Variants in ALG9 observed in about 807,000 individuals in gnomAD.
The protein encoded by ALG9 is ALG9 alpha-1,2-mannosyltransferase.
In ALG9, 55 loss-of-function variants were observed where a neutral mutation model predicts 81.8. The ratio of observed to expected loss-of-function variants is 0.67; its 90% CI spans 0.54 to 0.84. ALG9 has a LOEUF of 0.84. Among genes scored for constraint, ALG9 ranks in the 40% least tolerant of loss-of-function variants. The pLI is 0.00. For missense variants in ALG9, 629 were observed against 745.0 expected (o/e 0.84, Z 1.81); for synonymous variants, 278 against 274.3 (o/e 1.01, Z -0.13).
intron 10 of ALG9, among the ~76,000 whole-genome samples, chr11:111,838,655 T>A (rs1230617485): frequency 1.3e-5 from 2 of 152,206 alleles, no homozygotes; most frequent in East Asian, 3.8e-4. Context: ...GCATTTATAG[T>A]CCTAATAAGT....
chr11:111,865,150 G>A, intron 4 of ALG9, 31 bp downstream of exon 4: 1 of 1,489,936 alleles, frequency 6.7e-7, no homozygotes, highest in Non-Finnish European at 9.1e-7. Flanking sequence ...TTTCCTCACA[G>A]CACTTTTAGA....
chr11:111,799,463 T>TA (rs1460320276), intron 14 of ALG9, among the ~76,000 whole-genome samples: 1 of 148,686 alleles, frequency 6.7e-6, no homozygotes, highest in Non-Finnish European at 1.5e-5. Context: ...TTTTTTTTTT[T>TA]AAACAAACAA....
intron 14 of ALG9, among the ~76,000 whole-genome samples, chr11:111,801,906 A>G (rs1949176900): frequency 6.6e-6 from 1 of 152,244 alleles, no homozygotes. Flanking sequence ...TAAAAAATGA[A>G]GGCACAATAG....
Position 111,784,937 on chromosome 11 carries a change from C to T in ALG9, c.*1460G>A, listed in dbSNP as rs1443627852. On this transcript the variant is annotated 3_prime_UTR_variant, in exon 15 of 15. Transcript: ENST00000616540. ...CTGCCACAGGTCAGGCTGCATCACACAGCACTGCTGTGCTGGTCTAACACA... is the reference window on the plus strand; with the variant it reads ...CTGCCACAGGTCAGGCTGCATCACATAGCACTGCTGTGCTGGTCTAACACA... The T allele has an allele frequency of 1.3e-5, 2 of 152,548 alleles. No homozygotes were observed. The highest frequency in any genetic ancestry group is 2.9e-5 in the Non-Finnish European group (2 of 68,050). 9.4% of individuals were successfully genotyped at this position (152,548 alleles called of 1,614,324 possible).
downstream of ALG9, chr11:111,778,062 T>A (rs1453391704): frequency 6.6e-6 from 1 of 152,182 alleles, no homozygotes; most frequent in Non-Finnish European, 1.5e-5. Context: ...CTACTTATAT[T>A]TTAAAGCCAA....
At chr11:111,825,823 G>A (rs148806712) in intron 13 of ALG9, among the ~76,000 whole-genome samples, 1,547 of 152,102 alleles carry the variant, frequency 0.01, 10 homozygotes, top group Admixed American at 0.022. Context: ...CAAGGTGGGC[G>A]GATCACCAGG....
At position 111,863,219 on chromosome 11, in the gene ALG9, G is replaced by A. The variant is rs113426073; in HGVS notation, c.476+1962C>T. 3.9e-5 allele frequency among the ~76,000 whole-genome samples: 6 copies of A among 152,184 alleles called. 1 individual carries two copies. The highest frequency in any genetic ancestry group is 1.2e-4 in the African/African-American group (5 of 41,524). ...TAAAGGTACAAAAAATTAGCCAGGC[G>A]TGGTGGTTTGCACCTGTAATCCCAG... On this transcript the variant is annotated intron_variant, in intron 4 of 14. Coordinates refer to ENST00000616540, the MANE Select transcript of ALG9 (RefSeq NM_024740.2).
Position 111,805,225 on chromosome 11 carries a change from G to T in ALG9, c.1733+4418C>A, listed in dbSNP as rs190370859. On this transcript the variant is annotated intron_variant, in intron 14 of 14. Coordinates refer to ENST00000616540, the MANE Select transcript of ALG9 (RefSeq NM_024740.2). ...GCTTGTCTTCTTGCAGCCATGTGAG[G>T]ATACAAGTCAGCTGTCTGCAGCCAG... The T allele has an allele frequency of 6.1e-4, 277 of 456,142 alleles. 1 individual carries two copies. The highest frequency in any genetic ancestry group is 4.9e-3 in the African/African-American group (245 of 50,200). 28.3% of individuals were successfully genotyped at this position (456,142 alleles called of 1,614,324 possible).
intron 8 of ALG9, among the ~76,000 whole-genome samples, chr11:111,845,945 G>A (rs782099575): frequency 2.6e-5 from 4 of 152,128 alleles, no homozygotes; most frequent in Non-Finnish European, 4.4e-5. Context: ...TCACCTTTGG[G>A]GGAAGCTCAC....
chr11:111,840,480 G>A (rs1232017208), intron 10 of ALG9, among the ~76,000 whole-genome samples, 175 bp downstream of exon 10: 1 of 152,074 alleles, frequency 6.6e-6, no homozygotes, highest in Non-Finnish European at 1.5e-5. Flanking sequence ...ATACAAGTAT[G>A]GTAAACAGCT....
chr11:111,825,066 G>C (rs1953002590), intron 13 of ALG9, among the ~76,000 whole-genome samples: 1 of 152,172 alleles, frequency 6.6e-6, no homozygotes, highest in African/African-American at 2.4e-5. Flanking sequence ...GAGAAAGCTA[G>C]ACATGATCCC....
intron 14 of ALG9, chr11:111,788,617 C>T (rs1274376500): frequency 3.2e-5 from 12 of 374,806 alleles, no homozygotes; most frequent in Non-Finnish European, 5.7e-5. Context: ...GGGTGGCACA[C>T]ACCCGCAGTC....
At chr11:111,774,918 T>C in the ALG9 span, among the ~76,000 whole-genome samples, 48 of 152,272 alleles carry the variant, frequency 3.2e-4, no homozygotes, top group African/African-American at 1.1e-3. Context: ...TTATTGTCTC[T>C]CATTTTTGTA....
At position 111,861,566 on chromosome 11, in the gene ALG9, T is replaced by C. The variant is rs115755829; in HGVS notation, c.477-931A>G. On this transcript the variant is annotated intron_variant, in intron 4 of 14. Transcript: ENST00000616540. ...AGCTCACTGTATCCTTGAACTCCAG[T>C]GTTCAATGGAACCTCCTGCCTCAGC... 5.9e-3 allele frequency among the ~76,000 whole-genome samples: 894 copies of C among 152,220 alleles called. 7 individuals are homozygous for C. Among genetic ancestry groups the C allele is most frequent in the African/African-American group, 0.02 (835 of 41,530 alleles).
Position 111,809,645 on chromosome 11 carries a change from AG to A in ALG9, c.1730del (p.Ser577LeufsTer23). 1.2e-6 allele frequency: 2 copies of A among 1,614,030 alleles called. No individual in the cohort carries two copies. The highest frequency in any genetic ancestry group is 1.7e-6 in the Non-Finnish European group (2 of 1,179,934). On this transcript the variant is annotated frameshift_variant, in exon 14 of 15. Coordinates refer to ENST00000616540, the MANE Select transcript of ALG9 (RefSeq NM_024740.2). LOFTEE classifies it high-confidence loss of function. ...SLAYRPFLDA[S>X]RSSKLLRAFY... ...CCCATAGGATTAAAGCCACATACCT[AG>A]AAGCATCAAGGAATGGTCTATAGGC...
intron 4 of ALG9, chr11:111,864,285 AG>A: frequency 8.9e-7 from 1 of 1,129,760 alleles, no homozygotes; most frequent in Admixed American, 1.7e-5. Context: ...GCCGCTATGA[AG>A]AAAGTGGTTC....
intron 14 of ALG9, among the ~76,000 whole-genome samples, chr11:111,789,797 GT>G (rs1555068812): frequency 6.6e-6 from 1 of 151,176 alleles, no homozygotes; most frequent in African/African-American, 2.4e-5. Flanking sequence ...TCCAGCCTAG[GT>G]GACAGAGGGA....
At position 111,817,782 on chromosome 11, in the gene ALG9, T is replaced by C. The variant is rs370637345; in HGVS notation, c.1603-8009A>G. On this transcript the variant is annotated intron_variant, in intron 13 of 14. Transcript: ENST00000616540. ...GACAAATCTCACTTGTATTTCTTTT[T>C]TTTTTTTTTTTTTGAGACAGATTTT... 1.1e-3 allele frequency among the ~76,000 whole-genome samples: 170 copies of C among 151,094 alleles called. 4 individuals carry two copies. The South Asian group carries it at 0.035, about 31-fold the overall frequency.
chr11:111,864,589 G>A, intron 4 of ALG9: 1 of 510,990 alleles, frequency 2.0e-6, no homozygotes, highest in South Asian at 2.7e-5. Context: ...CGAACTTCTA[G>A]TTTCATCAGT....
Sources: gnomAD v4.1 joint callset for allele counts (sites outside exome capture counted in the v4.1 genomes callset) on GRCh38, gnomAD v4.1.1 for gene constraint, MANE v1.5 for transcripts, NCBI Gene and HGNC (gene_info 2026-07-23, HGNC 2026-07-21) for gene names.